Variants in WDR72 observed in about 807,000 individuals in gnomAD.
WDR72 encodes the protein WD repeat-containing protein 72.
Under a neutral mutation model 124.2 loss-of-function variants are expected in WDR72, and 120 were observed. That is an observed-to-expected ratio of 0.97 (90% CI 0.83 to 1.12). WDR72 has a LOEUF of 1.12. Ranked by LOEUF, WDR72 falls within the 50% of genes most tolerant of loss-of-function variation. The probability of loss-of-function intolerance (pLI) is 0.00; values close to 1 mark genes in which losing one functional copy is unlikely to be tolerated. For synonymous variants in WDR72, 452 were observed against 441.7 expected (o/e 1.02, Z -0.29); for missense variants, 1,387 against 1,278.8 (o/e 1.08, Z -1.29).
rs67873847 is a variant in WDR72, at chr15:53,591,685, AACACACACACAC to A, written c.3148+5382_3148+5393del. On this transcript the variant is annotated intron_variant, in intron 18 of 19. Coordinates refer to ENST00000360509, the MANE Select transcript of WDR72 (RefSeq NM_182758.4). ...ACACATATATACATACAACACACACAACACACACACACACACACACACACACACACACACACA... is the reference window on the plus strand; with the variant it reads ...ACACATATATACATACAACACACACAACACACACACACACACACACACACA... Among the ~76,000 whole-genome samples, 848 of 148,890 alleles carry A rather than the reference AACACACACACAC, an allele frequency of 5.7e-3. 4 individuals carry two copies. The highest frequency in any genetic ancestry group is 0.016 in the East Asian group (77 of 4,890).
At chr15:53,745,947 A>G (rs572366747) in intron 1 of WDR72, among the ~76,000 whole-genome samples, 6 of 152,296 alleles carry the variant, frequency 3.9e-5, no homozygotes, top group Non-Finnish European at 4.4e-5. Flanking sequence ...TGTCTTGCCC[A>G]TCGGAAATTC....
intron 7 of WDR72, among the ~76,000 whole-genome samples, chr15:53,711,704 T>C (rs1478478800): frequency 6.6e-6 from 1 of 152,122 alleles, no homozygotes; most frequent in Non-Finnish European, 1.5e-5. Flanking sequence ...CATTCCAGAG[T>C]GTGTACACTA....
intron 1 of WDR72, among the ~76,000 whole-genome samples, chr15:53,744,316 G>A (rs1483472694): frequency 6.6e-6 from 1 of 152,124 alleles, no homozygotes; most frequent in East Asian, 1.9e-4. Flanking sequence ...CATAAAACTT[G>A]TCTAGAAATA....
chr15:53,762,330 G>A (rs2019075753), upstream of WDR72, among the ~76,000 whole-genome samples: 1 of 152,090 alleles, frequency 6.6e-6, no homozygotes, highest in Admixed American at 6.5e-5. Flanking sequence ...CTTCCCTCCT[G>A]CAGGTTAGAT....
intron 18 of WDR72, among the ~76,000 whole-genome samples, chr15:53,592,758 T>G (rs1203166582): frequency 6.6e-6 from 1 of 151,472 alleles, no homozygotes; most frequent in East Asian, 1.9e-4. Context: ...AGCACTTGTT[T>G]AAACTGATCC....
chr15:53,525,468 C>T (rs1031987150), intron 18 of WDR72, among the ~76,000 whole-genome samples: 2 of 152,026 alleles, frequency 1.3e-5, no homozygotes, highest in Admixed American at 1.3e-4. Context: ...TTCATTTATT[C>T]ATTCCTTCAA....
chr15:53,705,169 T>C lies in WDR72; in HGVS notation c.1167A>G (p.Gln389=). 3.1e-6 allele frequency: 5 copies of C among 1,614,014 alleles called. No individual in the cohort carries two copies. The highest frequency in any genetic ancestry group is 4.2e-6 in the Non-Finnish European group (5 of 1,179,960). The change falls in exon 11 of 20, where the codon CAA becomes CAG. Residue 389 remains glutamine, a synonymous_variant. Coordinates refer to ENST00000360509, the MANE Select transcript of WDR72 (RefSeq NM_182758.4). Reference sequence around the variant, plus strand: ...GCCCAGAGAAATAGTCAATAATACTTTGTGACATAGTATCATGCTTATCAA... The same window carrying C: ...GCCCAGAGAAATAGTCAATAATACTCTGTGACATAGTATCATGCTTATCAA... ...DNFDKHDTMS[Q]SIIDYFSGLK... is the part of the protein sequence containing the mutation.
At position 53,549,594 on chromosome 15, in the gene WDR72, A is replaced by G. The variant is rs1464090865; in HGVS notation, c.3149-26272T>C. Among the ~76,000 whole-genome samples the G allele has an allele frequency of 2.6e-5, 4 of 152,146 alleles. No individual in the cohort carries two copies. The South Asian group carries it at 6.2e-4, about 24-fold the overall frequency. ...ATGGACCTGCTTCAAAAACAAGCTGATTTTAGGATTTTTTTTTAAAAGATG... is the reference window on the plus strand; with the variant it reads ...ATGGACCTGCTTCAAAAACAAGCTGGTTTTAGGATTTTTTTTTAAAAGATG... On this transcript the variant is annotated intron_variant, in intron 18 of 19. Coordinates refer to ENST00000360509, the MANE Select transcript of WDR72 (RefSeq NM_182758.4).
intron 1 of WDR72, among the ~76,000 whole-genome samples, chr15:53,736,414 A>G (rs1262544644): frequency 6.6e-6 from 1 of 152,180 alleles, no homozygotes; most frequent in Non-Finnish European, 1.5e-5. Flanking sequence ...GGCACTGGGT[A>G]TTGGAGCAGG....
chr15:53,673,294 T>G (rs1290765196), intron 13 of WDR72, among the ~76,000 whole-genome samples: 1 of 152,096 alleles, frequency 6.6e-6, no homozygotes, highest in Non-Finnish European at 1.5e-5. Flanking sequence ...AAAAAAAGAA[T>G]AGCTATTATG....
intron 14 of WDR72, among the ~76,000 whole-genome samples, chr15:53,638,070 CCAATGAAAGCAG>C (rs2014691505): frequency 2.0e-5 from 3 of 152,136 alleles, no homozygotes; most frequent in South Asian, 4.2e-4. Flanking sequence ...ATAGTACTGA[CCAATGAAAGCAG>C]CATTTTTTTC....
intron 14 of WDR72, among the ~76,000 whole-genome samples, chr15:53,660,601 T>C (rs979235547): frequency 1.5e-4 from 23 of 152,138 alleles, no homozygotes; most frequent in African/African-American, 4.8e-4. Context: ...TATATAACCA[T>C]ATGTCTAGAA....
In WDR72 at chr15:53,733,029, G is replaced by T. The variant is rs569905365; in HGVS notation, c.121C>A (p.Leu41Ile). Residue 41 changes from leucine (L) to isoleucine (I), a missense_variant, in exon 2 of 20, where the codon CTC (leucine) becomes ATC (isoleucine). Leu to Ile is a conservative substitution (Grantham distance 5). Coordinates refer to ENST00000360509, the MANE Select transcript of WDR72 (RefSeq NM_182758.4). ...TCATGTGAGAGATTCCAGAGACAGA[G>T]CTGACCCTCTTGACTTCCAGTCACA... is the stretch of plus-strand genomic sequence containing the variant. ...TIVTGSQEGQ[L>I]CLWNLSHELK... is the part of the protein sequence containing the mutation. The T allele has an allele frequency of 6.2e-7, 1 of 1,614,054 alleles. No individual in the cohort carries two copies. Among genetic ancestry groups the T allele is most frequent in the African/African-American group, 1.3e-5 (1 of 75,006 alleles).
At chr15:53,618,121 C>G (rs2013842617) in intron 14 of WDR72, among the ~76,000 whole-genome samples, 1 of 151,888 alleles carries the variant, frequency 6.6e-6, no homozygotes, top group African/African-American at 2.4e-5. Flanking sequence ...TCCATTTGGA[C>G]TAAAAAGTAG....
intron 18 of WDR72, among the ~76,000 whole-genome samples, chr15:53,584,174 A>G (rs1197934160): frequency 6.6e-6 from 1 of 152,054 alleles, no homozygotes. Flanking sequence ...ATAAAAGGAG[A>G]TGAAAAATCG....
intron 9 of WDR72, among the ~76,000 whole-genome samples, chr15:53,708,177 T>C (rs2017437544): frequency 6.6e-6 from 1 of 152,188 alleles, no homozygotes; most frequent in Admixed American, 6.5e-5. Flanking sequence ...TTTTCATCAC[T>C]GTGTCCATCA....
intron 18 of WDR72, among the ~76,000 whole-genome samples, chr15:53,558,590 T>G (rs936975138): frequency 3.9e-5 from 6 of 152,030 alleles, no homozygotes; most frequent in African/African-American, 1.4e-4. Context: ...GATTTAGCAA[T>G]TCAACATCCC....
chr15:53,684,960 T>G (rs2016561106), intron 13 of WDR72, among the ~76,000 whole-genome samples: 1 of 152,076 alleles, frequency 6.6e-6, no homozygotes, highest in Non-Finnish European at 1.5e-5. Context: ...CACTGACACC[T>G]CACAAGGCAA....
chr15:53,695,772 T>C (rs2016984091), intron 13 of WDR72, among the ~76,000 whole-genome samples: 2 of 152,156 alleles, frequency 1.3e-5, no homozygotes, highest in Non-Finnish European at 2.9e-5. Context: ...CCCTTATCAG[T>C]CCAAGATAAA....
Sources: allele counts gnomAD v4.1 joint callset (sites outside exome capture counted in the v4.1 genomes callset), GRCh38; gene constraint gnomAD v4.1.1; transcripts MANE v1.5; gene names NCBI Gene and HGNC (gene_info 2026-07-23, HGNC 2026-07-21).